KMT2D: variants seen among roughly 807,000 people sequenced by gnomAD.
The protein encoded by KMT2D is lysine methyltransferase 2D.
KMT2D carries 55 observed loss-of-function variants against 512.7 expected under a neutral mutation model. The ratio of observed to expected loss-of-function variants is 0.11; its 90% confidence interval spans 0.09 to 0.13. The LOEUF (loss-of-function observed/expected upper bound fraction) is 0.13, where lower values mean the gene tolerates loss of function less well. Ranked by LOEUF, KMT2D falls within the 10% of genes least tolerant of loss-of-function variation. The probability of loss-of-function intolerance (pLI) is 1.00; values close to 1 mark genes in which losing one functional copy is unlikely to be tolerated. For missense variants in KMT2D, 6,061 were observed against 7,127.9 expected, an observed-to-expected ratio of 0.85 and a Z score of 5.39; for synonymous variants, 2,995 against 2,904.0, an observed-to-expected ratio of 1.03 and a Z score of -1.01.
chr12:49,057,693 G>C (rs1039076249), intron 1 of KMT2D, among the ~76,000 whole-genome samples: 1 of 152,160 alleles, frequency 6.6e-6, no homozygotes, highest in Non-Finnish European at 1.5e-5. Context: ...CTGATTCCCA[G>C]TTAATAGGCC....
At chr12:49,029,664 T>C (rs1942796433) in intron 43 of KMT2D, among the ~76,000 whole-genome samples, 188 bp from the exon 44 acceptor site, 1 of 124,572 alleles carries the variant, frequency 8.0e-6, no homozygotes, top group South Asian at 2.8e-4. Context: ...CACTGTTGTT[T>C]TTTGTTTTTT....
Position 49,044,977 on chromosome 12 carries a change from GA to G in KMT2D, c.4742-13del. The G allele has an allele frequency of 6.2e-7, 1 of 1,608,452 alleles. No homozygotes were observed. The highest frequency in any genetic ancestry group is 1.1e-5 in the South Asian group (1 of 91,020). ...AAAGTACTGGGGCTCTGCATAAGAG[GA>G]AAGAGTATGTGATCCCTGGATGGAA... On this transcript the variant is annotated splice_polypyrimidine_tract_variant and intron_variant, in intron 19 of 54. Coordinates refer to ENST00000301067, the MANE Select transcript of KMT2D (RefSeq NM_003482.4). This position sits in a 1 kb window ranked among gnomAD's most constrained non-coding sequence, Gnocchi z 6.4.
Position 49,021,745 on chromosome 12 carries a change from A to C in KMT2D, c.*35T>G. 2 of 1,508,212 alleles carry C rather than the reference A, an allele frequency of 1.3e-6. No individual in the cohort carries two copies. The highest frequency in any genetic ancestry group is 1.8e-6 in the Non-Finnish European group (2 of 1,084,402). 93.4% of individuals were successfully genotyped at this position (1,508,212 alleles called of 1,614,324 possible). A position where few individuals can be genotyped will look rare whatever the true frequency, so the allele number is the denominator to read the frequency against. On this transcript the variant is annotated 3_prime_UTR_variant, in exon 55 of 55. Transcript: ENST00000301067. ...CCCTTTCAGGGAAGAGGTTGTGGGT[A>C]GGGGGACTCCCCTGCCTGGTAGCCT...
chr12:49,043,615 C>T lies in KMT2D; in HGVS notation c.5467+20G>A, dbSNP rs1943641825. The T allele has an allele frequency of 1.2e-6, 2 of 1,613,368 alleles. No homozygotes were observed. The highest frequency in any genetic ancestry group is 4.5e-5 in the East Asian group (2 of 44,886). On this transcript the variant is annotated intron_variant, in intron 24 of 54. Transcript: ENST00000301067. The stretch of plus-strand genomic sequence containing the variant: ...AAGAAAGTTGGATTCTCTCACACCA[C>T]TCACTCCCACATAACTAACCTTTCT...
rs1212970440 is a variant in KMT2D at position 49,039,819 on chromosome 12, C to T, written c.7951G>A (p.Gly2651Arg). 5 of 1,614,062 alleles carry T rather than the reference C, an allele frequency of 3.1e-6. No homozygotes were observed. Among genetic ancestry groups the T allele is most frequent in the Non-Finnish European group, 4.2e-6 (5 of 1,179,904 alleles). Residue 2651 changes from glycine to arginine, a missense_variant, in exon 32 of 55, where the codon GGA becomes AGA. Coordinates refer to ENST00000301067, the MANE Select transcript of KMT2D (RefSeq NM_003482.4). The surrounding 1 kb of genome is among the most constrained non-coding windows in gnomAD (Gnocchi z 5.0). ...PVEKREDPGT[G>R]MGSSLATAEL... ...GCTGTCGCCAAAGAGCTACCCATTC[C>T]AGTCCCTGGGTCTTCTCGCTTTTCG...
Position 49,018,981 on chromosome 12 carries a change from T to A in KMT2D, c.*2799A>T. On this transcript the variant is annotated 3_prime_UTR_variant, in exon 55 of 55. Coordinates refer to ENST00000301067, the MANE Select transcript of KMT2D (RefSeq NM_003482.4). Reference sequence around the variant, plus strand: ...GGTCATGGGACGGAGCCGCTTGTATTTAAAATGTTCTTTTTTTATTTGTCG... The same window carrying A: ...GGTCATGGGACGGAGCCGCTTGTATATAAAATGTTCTTTTTTTATTTGTCG... 7.1e-7 allele frequency: 1 copy of A among 1,409,658 alleles called. No individual in the cohort carries two copies. Among genetic ancestry groups the A allele is most frequent in the Non-Finnish European group, 9.2e-7 (1 of 1,085,134 alleles). 87.3% of individuals were successfully genotyped at this position (1,409,658 alleles called of 1,614,324 possible).
In KMT2D at chr12:49,026,735, C is replaced by T. The variant is rs899555144; in HGVS notation, c.15231G>A (p.Leu5077=). The T allele has an allele frequency of 6.2e-7, 1 of 1,613,884 alleles. No individual in the cohort carries two copies. Among genetic ancestry groups the T allele is most frequent in the Admixed American group, 1.7e-5 (1 of 60,038 alleles). The change falls in exon 49 of 55, where the codon CTG becomes CTA. Residue 5077 remains leucine, a synonymous_variant. Coordinates refer to ENST00000301067, the MANE Select transcript of KMT2D (RefSeq NM_003482.4). The surrounding 1 kb of genome is among the most constrained non-coding windows in gnomAD (Gnocchi z 9.6). The part of the protein sequence containing the change: ...TEVYETQGGA[L]MNVEVALHRG... ...GGTGCAGGGCAACCTCCACATTCAT[C>T]AGTGCCCCGCCCTGGGTCTCATACA...
Position 49,033,446 on chromosome 12 carries a change from G to C in KMT2D, c.11259C>G (p.Ile3753Met), listed in dbSNP as rs2120442827. The change falls in exon 40 of 55, where the codon ATC becomes ATG. Residue 3753 changes from isoleucine (I) to methionine (M), a missense_variant. This residue lies in a region of KMT2D where 1,600 missense variants were observed against 1,754.9 expected (regional missense o/e 0.91). Coordinates refer to ENST00000301067, the MANE Select transcript of KMT2D (RefSeq NM_003482.4). ...CAGGACCCTGCTGCTGTTGCTGCTG[G>C]ATTGCCACCTGTCCTAGAAGGTGCT... ...QQQHLLGQVA[I>M]QQQQQQGPGV... 1 of 1,596,152 alleles carries C rather than the reference G, an allele frequency of 6.3e-7. No individual in the cohort carries two copies. The highest frequency in any genetic ancestry group is 8.5e-7 in the Non-Finnish European group (1 of 1,171,412).
In KMT2D at chr12:49,046,494, A is replaced by C; in HGVS notation, c.4419-70T>G. 1.3e-6 allele frequency: 2 copies of C among 1,590,282 alleles called. No individual in the cohort carries two copies. The highest frequency in any genetic ancestry group is 1.7e-6 in the Non-Finnish European group (2 of 1,165,394). On this transcript the variant is annotated intron_variant, in intron 16 of 54. Transcript: ENST00000301067. The surrounding 1 kb of genome is among the most constrained non-coding windows in gnomAD (Gnocchi z 4.2). The stretch of plus-strand genomic sequence containing the variant: ...AAGTACCCAGAAGTCCCCTCACCGG[A>C]AACCCAAGCCACCAGCCTGGCCTCC...
At position 49,028,018 on chromosome 12, in the gene KMT2D, C is replaced by T. The variant is rs770536689; in HGVS notation, c.14506G>A (p.Glu4836Lys). The change falls in exon 47 of 55, where the codon GAG (glutamate) becomes AAG (lysine). Residue 4836 changes from glutamate to lysine, a missense_variant. Around this residue, in one of 16 missense-constraint regions of KMT2D, gnomAD observed 1,600 missense variants for 1,754.9 expected, o/e 0.91. Coordinates refer to ENST00000301067, the MANE Select transcript of KMT2D (RefSeq NM_003482.4). ...AGTEPKKGEA[E>K]GPGGKEKGLE... ...TCCCTGCCACACTCACCAGGACCCT[C>T]AGCTTCCCCCTTCTTTGGCTCAGTG... 20 of 1,613,630 alleles carry T rather than the reference C, an allele frequency of 1.2e-5. 1 individual carries two copies. The South Asian group carries it at 2.2e-4, about 18-fold the overall frequency.
rs777479385 is a variant in KMT2D, at chr12:49,052,612, T to C, written c.1210A>G (p.Met404Val). Residue 404 changes from methionine (M) to valine (V), a missense_variant, in exon 10 of 55, where the codon ATG (methionine) becomes GTG (valine). Coordinates refer to ENST00000301067, the MANE Select transcript of KMT2D (RefSeq NM_003482.4). ...AGGGGCCCTGGTTCCTTGGGTTGCA[T>C]AGAGGTCACGTGCCCACCCTTTGGC... ...GQPKGGHVTS[M>V]QPKEPGPLQC... 3.1e-6 allele frequency: 5 copies of C among 1,613,524 alleles called. No homozygotes were observed. The South Asian group carries it at 3.3e-5, about 11-fold the overall frequency.
rs1183153292 is a variant in KMT2D at position 49,024,033 on chromosome 12, A to G, written c.16052+545T>C. On this transcript the variant is annotated intron_variant, in intron 51 of 54. Coordinates refer to ENST00000301067, the MANE Select transcript of KMT2D (RefSeq NM_003482.4). This position sits in a 1 kb window ranked among gnomAD's most constrained non-coding sequence, Gnocchi z 4.5. Reference sequence around the variant, plus strand: ...TTTTCTCAGCTGTAAAATGGGGGTCATACCACCTGCCCTACCTACCTCATA... The same window carrying G: ...TTTTCTCAGCTGTAAAATGGGGGTCGTACCACCTGCCCTACCTACCTCATA... The G allele has an allele frequency of 4.4e-6, 2 of 453,290 alleles. No homozygotes were observed. Among genetic ancestry groups the G allele is most frequent in the South Asian group, 1.6e-5 (1 of 63,614 alleles). The allele number at this position is 453,290 out of a possible 1,614,324, so 28.1% of individuals were successfully genotyped here.
rs1565806418 is a variant in KMT2D at position 49,046,114 on chromosome 12, A to C, written c.4644T>G (p.Asp1548Glu). 1 of 1,610,920 alleles carries C rather than the reference A, an allele frequency of 6.2e-7. No homozygotes were observed. Among genetic ancestry groups the C allele is most frequent in the Non-Finnish European group, 8.5e-7 (1 of 1,178,568 alleles). The change falls in exon 18 of 55, where the codon GAT becomes GAG. Residue 1548 changes from aspartate (D) to glutamate (E), a missense_variant. Asp to Glu is a conservative substitution (Grantham distance 45). This residue lies in a region of KMT2D where 640 missense variants were observed against 814.3 expected (regional missense o/e 0.79). Transcript: ENST00000301067. This position sits in a 1 kb window ranked among gnomAD's most constrained non-coding sequence, Gnocchi z 4.2. ...GGCAGGAGACACAGTCAAAGCCTTCATCGGCTGCCTGCTCCACATCGTCCT... is the reference window on the plus strand; with the variant it reads ...GGCAGGAGACACAGTCAAAGCCTTCCTCGGCTGCCTGCTCCACATCGTCCT... ...FTEDDVEQAA[D>E]EGFDCVSCQP...
chr12:49,049,764 GC>G lies in KMT2D; in HGVS notation c.3823del (p.Ala1275LeufsTer55). 1 of 1,612,364 alleles carries G rather than the reference GC, an allele frequency of 6.2e-7. No individual in the cohort carries two copies. Among genetic ancestry groups the G allele is most frequent in the East Asian group, 2.2e-5 (1 of 44,824 alleles). On this transcript the variant is annotated frameshift_variant, in exon 12 of 55. Coordinates refer to ENST00000301067, the MANE Select transcript of KMT2D (RefSeq NM_003482.4). LOFTEE classifies it high-confidence loss of function. ...PETDDSLLCD[A>X]GTAISGGKAE... ...TTTGCCTCCGCTGATAGCTGTCCCAGCATCGCACAATAGTGAGTCATCAGTC... is the reference window on the plus strand; with the variant it reads ...TTTGCCTCCGCTGATAGCTGTCCCAGATCGCACAATAGTGAGTCATCAGTC...
rs1418241590 is a variant in KMT2D at position 49,038,902 on chromosome 12, C to A, written c.8454G>T (p.Trp2818Cys). The A allele has an allele frequency of 6.4e-7, 1 of 1,551,728 alleles. No individual in the cohort carries two copies. The highest frequency in any genetic ancestry group is 8.7e-7 in the Non-Finnish European group (1 of 1,147,054). ...TTGCTGCTGTTGCCTGTTGTTGCTGCCACAGTTGTTGCTGTTGCTGCTGTA... is the reference window on the plus strand; with the variant it reads ...TTGCTGCTGTTGCCTGTTGTTGCTGACACAGTTGTTGCTGTTGCTGCTGTA... ...LPLQQQQQQL[W>C]QQQQATAATS... The change falls in exon 35 of 55, where the codon TGG becomes TGT. Residue 2818 changes from tryptophan to cysteine, a missense_variant. Around this residue, in one of 16 missense-constraint regions of KMT2D, gnomAD observed 527 missense variants for 578.9 expected, o/e 0.91. Transcript: ENST00000301067. The surrounding 1 kb of genome is among the most constrained non-coding windows in gnomAD (Gnocchi z 5.7).
rs532963649 is a variant in KMT2D, at chr12:49,027,054, C to T, written c.14912G>A (p.Gly4971Asp). ...GAGGCGAGGAGGACGGGAATCTTCA[C>T]CTTCTTCAGGGGGCCGGGCACGGGG... ...PKPRARPPEE[G>D]EDSRPPRLKK... The change falls in exon 49 of 55, where the codon GGT (glycine) becomes GAT (aspartate). Residue 4971 changes from glycine to aspartate, a missense_variant. Physicochemically the swap from Gly to Asp is moderately conservative, Grantham distance 94 (BLOSUM62 -1). This residue lies in a region of KMT2D where 1,600 missense variants were observed against 1,754.9 expected (regional missense o/e 0.91). Coordinates refer to ENST00000301067, the MANE Select transcript of KMT2D (RefSeq NM_003482.4). 1.9e-6 allele frequency: 3 copies of T among 1,613,916 alleles called. No homozygotes were observed. The highest frequency in any genetic ancestry group is 2.2e-5 in the East Asian group (1 of 44,884).
chr12:49,046,187 G>A lies in KMT2D; in HGVS notation c.4584-13C>T, dbSNP rs779242854. The A allele has an allele frequency of 1.9e-6, 3 of 1,612,030 alleles. No homozygotes were observed. The African/African-American group carries it at 4.0e-5, about 22-fold the overall frequency. The stretch of plus-strand genomic sequence containing the variant: ...TGCATGCATCCACCTGGAGAACAGA[G>A]ACTGGAGGAAATAAGCTCAGGCAAT... On this transcript the variant is annotated splice_polypyrimidine_tract_variant and intron_variant, in intron 17 of 54. Coordinates refer to ENST00000301067, the MANE Select transcript of KMT2D (RefSeq NM_003482.4). This position sits in a 1 kb window ranked among gnomAD's most constrained non-coding sequence, Gnocchi z 4.2.
Position 49,024,522 on chromosome 12 carries a change from A to G in KMT2D, c.16052+56T>C, listed in dbSNP as rs890731562. ...TCCTAAATCCTCATAATGGGACCAG[A>G]GGATCCCTGTCAACACCCACACCCA... On this transcript the variant is annotated intron_variant, in intron 51 of 54. Transcript: ENST00000301067. The surrounding 1 kb of genome is among the most constrained non-coding windows in gnomAD (Gnocchi z 4.5). 1.3e-6 allele frequency: 2 copies of G among 1,548,298 alleles called. No homozygotes were observed. Among genetic ancestry groups the G allele is most frequent in the African/African-American group, 2.7e-5 (2 of 72,826 alleles).
chr12:49,050,051 G>T lies in KMT2D; in HGVS notation c.3537C>A (p.Gly1179=). ...YPECKQTAGQ[G]SPCEEQEEPR... is the part of the protein sequence containing the mutation. ...GCTCTTCCTGTTCTTCACATGGTGA[G>T]CCCTGCCCTGCTGTCTGCTTGCATT... The change falls in exon 12 of 55, where the codon GGC becomes GGA. Residue 1179 remains glycine (G), a synonymous_variant. Transcript: ENST00000301067. 6.2e-7 allele frequency: 1 copy of T among 1,613,910 alleles called. No homozygotes were observed. Among genetic ancestry groups the T allele is most frequent in the Non-Finnish European group, 8.5e-7 (1 of 1,179,894 alleles).
Sources: gnomAD v4.1 joint callset for allele counts (sites outside exome capture counted in the v4.1 genomes callset) on GRCh38, gnomAD v4.1.1 for gene constraint, gnomAD v4.1.1 regional missense constraint, Gnocchi (gnomAD v3.1) non-coding constraint, MANE v1.5 for transcripts, NCBI Gene and HGNC (gene_info 2026-07-23, HGNC 2026-07-21) for gene names.